The following SMIM23 variants were observed in gnomAD, a reference collection of about 807,000 sequenced individuals.
SMIM23 encodes the protein CTB-78H18.1.
Under a neutral mutation model 12.8 loss-of-function variants are expected in SMIM23, and 10 were observed. The ratio of observed to expected loss-of-function variants is 0.78; its 90% CI spans 0.48 to 1.32. The LOEUF (loss-of-function observed/expected upper bound fraction) is 1.32. SMIM23 is among the 40% of genes most tolerant of loss of function. The probability of loss-of-function intolerance (pLI) is 0.00; values close to 1 mark genes in which losing one functional copy is unlikely to be tolerated. For synonymous variants in SMIM23, 78 were observed against 80.1 expected, an observed-to-expected ratio of 0.97 and a Z score of 0.14; for missense variants, 184 against 198.2, an observed-to-expected ratio of 0.93 and a Z score of 0.43.
the SMIM23 span, chr5:171,773,748 T>G: frequency 6.6e-6 from 3 of 455,852 alleles, no homozygotes; most frequent in East Asian, 2.1e-4. Flanking sequence ...TTCAGGCAAG[T>G]GTTGGCATGC....
At chr5:171,773,711 C>A in the SMIM23 span, 1 of 450,314 alleles carries the variant, frequency 2.2e-6, no homozygotes, top group Non-Finnish European at 4.4e-6. Context: ...AGCCAGGCCC[C>A]ATCTAAAGGA....
At chr5:171,775,540 A>G in the SMIM23 span, among the ~76,000 whole-genome samples, 4 of 152,148 alleles carry the variant, frequency 2.6e-5, no homozygotes, top group Non-Finnish European at 5.9e-5. Flanking sequence ...TGTCTCCTCC[A>G]GTTTGACTTA....
the SMIM23 span, among the ~76,000 whole-genome samples, chr5:171,776,043 G>A: frequency 5.9e-5 from 9 of 152,114 alleles, no homozygotes; most frequent in South Asian, 6.2e-4. Context: ...GGCTAATTTT[G>A]TATTTTTAGT....
chr5:171,784,753 G>A (rs188737480), upstream of SMIM23, among the ~76,000 whole-genome samples: 22 of 152,134 alleles, frequency 1.4e-4, no homozygotes, highest in East Asian at 3.7e-3. Context: ...ACCTTTACTC[G>A]CAAGAGTCAA....
In SMIM23 at chr5:171,790,336, G is replaced by A. The variant is rs1755898711; in HGVS notation, c.157+55G>A. Reference sequence around the variant, plus strand: ...AACCAAATCCACATGAAGCTTGGTGGAGTGTTCCAAAGATGGTTGTATGTT... The same window carrying A: ...AACCAAATCCACATGAAGCTTGGTGAAGTGTTCCAAAGATGGTTGTATGTT... On this transcript the variant is annotated intron_variant, in intron 2 of 3. Transcript: ENST00000523047. The A allele has an allele frequency of 9.2e-6, 14 of 1,529,846 alleles. No homozygotes were observed. The South Asian group carries it at 1.2e-4, about 13-fold the overall frequency. The allele number at this position is 1,529,846 out of a possible 1,614,324, so 94.8% of individuals were successfully genotyped here.
the SMIM23 span, among the ~76,000 whole-genome samples, chr5:171,772,671 G>A: frequency 6.6e-6 from 1 of 152,148 alleles, no homozygotes; most frequent in African/African-American, 2.4e-5. Flanking sequence ...TCCTGAGAAC[G>A]CCACAAAAGG....
chr5:171,790,236 T>G lies in SMIM23; in HGVS notation c.112T>G (p.Leu38Val), dbSNP rs1407232659. The change falls in exon 2 of 4, where the codon TTG becomes GTG. Residue 38 changes from leucine (L) to valine (V), a missense_variant. Physicochemically the swap from Leu to Val is conservative, Grantham distance 32. Transcript: ENST00000523047. ...TCCTCTTCTTGCACCCTAGACGCTG[T>G]TGGCATTGCTGATCTTGGTGCTGTA... ...SHCDDEKQTL[L>V]ALLILVLYLS... The G allele has an allele frequency of 3.3e-6, 5 of 1,536,178 alleles. No homozygotes were observed. The South Asian group carries it at 4.8e-5, about 15-fold the overall frequency.
upstream of SMIM23, among the ~76,000 whole-genome samples, chr5:171,779,780 G>C (rs550787362): frequency 6.6e-6 from 1 of 152,140 alleles, no homozygotes; most frequent in African/African-American, 2.4e-5. Context: ...AGGCAGGAGT[G>C]GGAATGAAGC....
the SMIM23 span, chr5:171,773,849 A>G: frequency 6.6e-6 from 3 of 456,168 alleles, no homozygotes; most frequent in Admixed American, 7.1e-5. Context: ...TTTTTAAGAC[A>G]ACTTATTTTA....
chr5:171,776,872 C>G, the SMIM23 span, among the ~76,000 whole-genome samples: 6 of 152,202 alleles, frequency 3.9e-5, no homozygotes, highest in Non-Finnish European at 5.9e-5. Context: ...CTTTTCCAGT[C>G]CTGCTCCTGC....
chr5:171,773,551 C>A, the SMIM23 span: 11 of 334,950 alleles, frequency 3.3e-5, no homozygotes, highest in African/African-American at 1.5e-4. Flanking sequence ...CACATGGGAG[C>A]TGGTGCCCTC....
In SMIM23 at chr5:171,787,332, G is replaced by T. The variant is rs150558224; in HGVS notation, c.105+1356G>T. On this transcript the variant is annotated intron_variant, in intron 1 of 3. Coordinates refer to ENST00000523047, the MANE Select transcript of SMIM23 (RefSeq NM_001289970.2). ...TTCTTCTTTTTTGAAAGACTTTGCA[G>T]TGTATTTCAAAATCCATTTTACAGA... 2.5e-3 allele frequency among the ~76,000 whole-genome samples: 383 copies of T among 152,244 alleles called. 1 individual carries two copies. Among genetic ancestry groups the T allele is most frequent in the African/African-American group, 8.6e-3 (357 of 41,552 alleles).
upstream of SMIM23, among the ~76,000 whole-genome samples, chr5:171,784,233 C>T (rs1456495671): frequency 6.6e-6 from 1 of 152,178 alleles, no homozygotes; most frequent in East Asian, 1.9e-4. Context: ...CAGCCGGGTG[C>T]AGTGGCTCAC....
chr5:171,780,912 G>A (rs114028609), upstream of SMIM23, among the ~76,000 whole-genome samples: 1,005 of 152,218 alleles, frequency 6.6e-3, 3 homozygotes, highest in Middle Eastern at 0.02. Context: ...CCAAATCTCA[G>A]CCCTGCCTCT....
chr5:171,778,170 G>T (rs1385392339), upstream of SMIM23, among the ~76,000 whole-genome samples: 5 of 152,116 alleles, frequency 3.3e-5, no homozygotes, highest in Admixed American at 2.0e-4. Flanking sequence ...GACCAGCCTG[G>T]CCAACACGGT....
At chr5:171,789,648 G>A (rs1182823066) in intron 1 of SMIM23, among the ~76,000 whole-genome samples, 3 of 152,124 alleles carry the variant, frequency 2.0e-5, no homozygotes, top group Non-Finnish European at 4.4e-5. Context: ...GAGGCATTTC[G>A]AAAACATTGT....
chr5:171,782,819 G>C (rs1275717314), upstream of SMIM23: 1 of 152,208 alleles, frequency 6.6e-6, no homozygotes, highest in Non-Finnish European at 1.5e-5. Flanking sequence ...GAAATGCAAT[G>C]TTTAGTAAGA....
At chr5:171,777,155 A>C in the SMIM23 span, among the ~76,000 whole-genome samples, 2 of 151,652 alleles carry the variant, frequency 1.3e-5, no homozygotes, top group Admixed American at 1.3e-4. Flanking sequence ...TCTCCGAAGC[A>C]GTGAGTAATA....
upstream of SMIM23, among the ~76,000 whole-genome samples, chr5:171,778,365 A>G (rs960826962): frequency 4.6e-5 from 7 of 151,962 alleles, no homozygotes; most frequent in Non-Finnish European, 8.8e-5. Flanking sequence ...TCAAAAAAAA[A>G]AAAAAGATGA....
Sources: allele counts gnomAD v4.1 joint callset (sites outside exome capture counted in the v4.1 genomes callset), GRCh38; gene constraint gnomAD v4.1.1; transcripts MANE v1.5; gene names NCBI Gene and HGNC (gene_info 2026-07-23, HGNC 2026-07-21).